TENT4B: variants seen among roughly 807,000 people sequenced by gnomAD.
TENT4B encodes the protein PAP associated domain containing 5.
In TENT4B, 10 loss-of-function variants were observed where a neutral mutation model predicts 75.0. That is an observed-to-expected ratio of 0.13 (90% confidence interval 0.08 to 0.23). The LOEUF is 0.23. Ranked by LOEUF, TENT4B falls within the 10% of genes least tolerant of loss-of-function variation. The pLI, the probability that TENT4B is intolerant of heterozygous loss-of-function variation, is 1.00. For synonymous variants in TENT4B, 350 were observed against 357.7 expected (o/e 0.98, Z 0.24); for missense variants, 579 against 893.8 (o/e 0.65, Z 4.49).
chr16:50,164,750 T>G (rs536561915), intron 1 of TENT4B, among the ~76,000 whole-genome samples: 2 of 151,558 alleles, frequency 1.3e-5, no homozygotes, highest in East Asian at 3.9e-4. Flanking sequence ...AAAAAAAAGG[T>G]TTTACTGGGC....
intron 5 of TENT4B, among the ~76,000 whole-genome samples, chr16:50,218,435 C>A (rs920271616): frequency 2.6e-5 from 4 of 152,016 alleles, no homozygotes; most frequent in Admixed American, 6.6e-5. Context: ...CTCCCGGGTT[C>A]AAGCAATTCT....
chr16:50,194,180 CTTTTCTT>C (rs1567496325), intron 1 of TENT4B, among the ~76,000 whole-genome samples: 1 of 149,694 alleles, frequency 6.7e-6, no homozygotes, highest in African/African-American at 2.4e-5. Flanking sequence ...TCTTCTCTCT[CTTTTCTT>C]TTTTCTGTTC....
chr16:50,223,523 A>C, intron 7 of TENT4B, 136 bp downstream of exon 7: 1 of 641,834 alleles, frequency 1.6e-6, no homozygotes, highest in Non-Finnish European at 2.6e-6. Context: ...GAAATATTTC[A>C]TGAGCAAACA....
chr16:50,166,780 A>ATTTTTTTTTTTTT (rs57856238), intron 1 of TENT4B, among the ~76,000 whole-genome samples: 1 of 115,280 alleles, frequency 8.7e-6, no homozygotes, highest in African/African-American at 3.1e-5. Context: ...TGCCTGGCTA[A>ATTTTTTTTTTTTT]TTTTTTTTTT....
intron 1 of TENT4B, among the ~76,000 whole-genome samples, chr16:50,182,042 A>C (rs766908163): frequency 2.0e-5 from 3 of 152,172 alleles, no homozygotes; most frequent in African/African-American, 7.2e-5. Context: ...CGAGGTGGGC[A>C]GATTGCTTGA....
intron 1 of TENT4B, among the ~76,000 whole-genome samples, chr16:50,195,663 G>A (rs2150715098): frequency 6.6e-6 from 1 of 152,358 alleles, no homozygotes; most frequent in East Asian, 1.9e-4. Context: ...AAAGAGGAAA[G>A]TGTGCAGTAC....
rs34176224 is a variant in TENT4B at position 50,194,744 on chromosome 16, A to ATT, written c.639-16558_639-16557dup. Among the ~76,000 whole-genome samples, 515 of 69,372 alleles carry ATT rather than the reference A, an allele frequency of 7.4e-3. 11 individuals are homozygous for ATT. Among genetic ancestry groups the ATT allele is most frequent in the African/African-American group, 0.019 (350 of 18,274 alleles). 45.5% of individuals were successfully genotyped at this position (69,372 alleles called of 152,430 possible). ...AGGCGCTAGCCACCGTGCTTGGCTAATTTTTTTTTTTTTTTTTTTTTTGAG... is the reference window on the plus strand; with the variant it reads ...AGGCGCTAGCCACCGTGCTTGGCTAATTTTTTTTTTTTTTTTTTTTTTTTGAG... On this transcript the variant is annotated intron_variant, in intron 1 of 11. Transcript: ENST00000561678.
In TENT4B at chr16:50,229,540, AG is replaced by A; in HGVS notation, c.*215del. The A allele has an allele frequency of 1.6e-6, 2 of 1,266,422 alleles. No individual in the cohort carries two copies. Among genetic ancestry groups the A allele is most frequent in the Non-Finnish European group, 2.0e-6 (2 of 1,010,174 alleles). The allele number at this position is 1,266,422 out of a possible 1,614,324, so 78.4% of individuals were successfully genotyped here. ...ACAAAAAAAAAAGCAAGCAAAAAAG[AG>A]GGAAAAAAAAGGCTGCTTATTTGAT... On this transcript the variant is annotated 3_prime_UTR_variant, in exon 12 of 12. Coordinates refer to ENST00000561678, the MANE Select transcript of TENT4B (RefSeq NM_001365324.3).
At chr16:50,218,610 C>G (rs2031683217) in intron 5 of TENT4B, among the ~76,000 whole-genome samples, 1 of 152,040 alleles carries the variant, frequency 6.6e-6, no homozygotes, top group African/African-American at 2.4e-5. Context: ...CCTCGGCCTC[C>G]CAAAGTGCCC....
chr16:50,206,773 A>G (rs908354416), intron 1 of TENT4B, among the ~76,000 whole-genome samples: 1 of 152,180 alleles, frequency 6.6e-6, no homozygotes, highest in Admixed American at 6.5e-5. Context: ...GTCCAGCTGA[A>G]GGATGCGAAA....
chr16:50,228,140 C>A, intron 11 of TENT4B, 137 bp downstream of exon 11: 2 of 1,080,426 alleles, frequency 1.9e-6, no homozygotes, highest in African/African-American at 1.6e-5. Context: ...TAAGAGGTTC[C>A]AACACATGAC....
intron 1 of TENT4B, among the ~76,000 whole-genome samples, chr16:50,167,906 C>T (rs2038133033): frequency 6.6e-6 from 1 of 152,178 alleles, no homozygotes; most frequent in Non-Finnish European, 1.5e-5. Context: ...ATCCTCTCAT[C>T]TCGGCCTCCC....
intron 7 of TENT4B, among the ~76,000 whole-genome samples, chr16:50,223,944 T>C (rs979413170): frequency 6.6e-6 from 1 of 152,268 alleles, no homozygotes; most frequent in Non-Finnish European, 1.5e-5. Flanking sequence ...TGAAGTTCTG[T>C]TTGCTTGCTT....
chr16:50,206,805 A>G (rs1023154088), intron 1 of TENT4B, among the ~76,000 whole-genome samples: 1 of 152,160 alleles, frequency 6.6e-6, no homozygotes, highest in Non-Finnish European at 1.5e-5. Context: ...TTTCCAGCCA[A>G]AGATCTTGAA....
intron 1 of TENT4B, among the ~76,000 whole-genome samples, chr16:50,184,536 G>A (rs933559321): frequency 5.3e-5 from 8 of 152,178 alleles, no homozygotes; most frequent in African/African-American, 1.9e-4. Flanking sequence ...GCGTGGTGGC[G>A]GGCGCCTATA....
chr16:50,156,822 A>T (rs944930658), intron 1 of TENT4B, among the ~76,000 whole-genome samples: 28 of 151,620 alleles, frequency 1.8e-4, no homozygotes, highest in Non-Finnish European at 2.9e-4. Context: ...CACCTGCCTA[A>T]TTTTTTTATT....
chr16:50,214,353 C>G (rs2031440439), intron 3 of TENT4B, 86 bp downstream of exon 3: 2 of 1,110,032 alleles, frequency 1.8e-6, no homozygotes, highest in Non-Finnish European at 2.6e-6. Context: ...AGAAACAAAA[C>G]AAATTTATAA....
At chr16:50,153,254 G>A (rs868475837), upstream of TENT4B, among the ~76,000 whole-genome samples, 12 of 145,092 alleles carry the variant, frequency 8.3e-5, no homozygotes, top group East Asian at 2.1e-4. Context: ...GAGCGAGGAC[G>A]CTACGGAGCA....
At chr16:50,224,572 C>G (rs1032463655) in intron 7 of TENT4B, 85 bp from the exon 8 acceptor site, 5 of 1,544,754 alleles carry the variant, frequency 3.2e-6, no homozygotes, top group Non-Finnish European at 4.4e-6. Context: ...AACTATGGCC[C>G]TTGCTCTCCT....
Sources: allele counts gnomAD v4.1 joint callset (sites outside exome capture counted in the v4.1 genomes callset), GRCh38; gene constraint gnomAD v4.1.1; transcripts MANE v1.5; gene names NCBI Gene and HGNC (gene_info 2026-07-23, HGNC 2026-07-21).